The following PRKCI variants were observed in gnomAD, a reference collection of about 807,000 sequenced individuals.
PRKCI encodes protein kinase C iota type.
In PRKCI, 43 loss-of-function variants were observed where a neutral mutation model predicts 84.0. The ratio of observed to expected loss-of-function variants is 0.51; its 90% CI spans 0.40 to 0.66. The LOEUF (loss-of-function observed/expected upper bound fraction) is 0.66. Among genes scored for constraint, PRKCI ranks in the 30% least tolerant of loss-of-function variants. The pLI is 0.00. For synonymous variants in PRKCI, 216 were observed against 234.4 expected (o/e 0.92, Z 0.72); for missense variants, 459 against 745.6 (o/e 0.62, Z 4.48).
Position 170,297,298 on chromosome 3 carries a change from C to G in PRKCI, c.1498-6C>G. 6.2e-7 allele frequency: 1 copy of G among 1,607,572 alleles called. No homozygotes were observed. The highest frequency in any genetic ancestry group is 8.5e-7 in the Non-Finnish European group (1 of 1,174,140). On this transcript the variant is annotated splice_region_variant and splice_polypyrimidine_tract_variant and intron_variant, in intron 15 of 17. Transcript: ENST00000295797. ...CCCAATTCTTGAAACATTTCTTTCA[C>G]CATAGGACCCTAAGGAACGATTGGG...
At chr3:170,234,833 T>C (rs1732904313) in intron 1 of PRKCI, among the ~76,000 whole-genome samples, 1 of 152,158 alleles carries the variant, frequency 6.6e-6, no homozygotes, top group Non-Finnish European at 1.5e-5. Context: ...TGACACAGTC[T>C]CCTCTGTTGC....
intron 3 of PRKCI, among the ~76,000 whole-genome samples, chr3:170,263,064 G>T (rs1733772963): frequency 1.3e-5 from 2 of 151,440 alleles, no homozygotes; most frequent in Non-Finnish European, 2.9e-5. Flanking sequence ...AGCTACACGG[G>T]AGGCTGAGGC....
chr3:170,286,811 C>CT lies in PRKCI; in HGVS notation c.1203+2229dup, dbSNP rs74869773. ...TTTATTTTTATTTTATTTTTACTTT[C>CT]TTTTTTTTTTTTTTAAATAGAGACG... On this transcript the variant is annotated intron_variant, in intron 12 of 17. Transcript: ENST00000295797. 6.1e-3 allele frequency among the ~76,000 whole-genome samples: 854 copies of CT among 139,954 alleles called. 1 individual carries two copies. The highest frequency in any genetic ancestry group is 0.022 in the Middle Eastern group (6 of 274). 91.8% of individuals were successfully genotyped at this position (139,954 alleles called of 152,430 possible).
chr3:170,235,563 T>A (rs565719114), intron 2 of PRKCI, among the ~76,000 whole-genome samples: 2 of 151,180 alleles, frequency 1.3e-5, no homozygotes, highest in South Asian at 4.2e-4. Flanking sequence ...GAAATTAACT[T>A]GACTTTTTTT....
intron 1 of PRKCI, among the ~76,000 whole-genome samples, chr3:170,223,858 T>G (rs1732561471): frequency 6.6e-6 from 1 of 152,190 alleles, no homozygotes; most frequent in Non-Finnish European, 1.5e-5. Context: ...CTACCTCTCT[T>G]GTTTTGATTT....
intron 2 of PRKCI, among the ~76,000 whole-genome samples, chr3:170,249,389 AGAGAGAGAAAG>A (rs1270867446): frequency 1.3e-5 from 2 of 152,070 alleles, no homozygotes; most frequent in Non-Finnish European, 2.9e-5. Flanking sequence ...CGACAGAGAG[AGAGAGAGAAAG>A]GAGAGAGAGA....
chr3:170,230,648 G>C (rs934061765), intron 1 of PRKCI, among the ~76,000 whole-genome samples: 2 of 152,154 alleles, frequency 1.3e-5, no homozygotes, highest in African/African-American at 4.8e-5. Flanking sequence ...AACTTTTAAA[G>C]TGATTATCTT....
At chr3:170,281,099 C>G (rs1049115701) in intron 9 of PRKCI, 67 bp from the exon 10 acceptor site, 4 of 1,364,700 alleles carry the variant, frequency 2.9e-6, no homozygotes, top group Non-Finnish European at 2.1e-6. Context: ...CATTGAATTG[C>G]TCAGAGCAAA....
At chr3:170,280,433 A>T in intron 9 of PRKCI, 30 bp downstream of exon 9, 1 of 1,553,814 alleles carries the variant, frequency 6.4e-7, no homozygotes, top group Non-Finnish European at 8.7e-7. Context: ...TTGCTTCTAA[A>T]CTGCTTGAGA....
chr3:170,227,662 A>T (rs1732667657), intron 1 of PRKCI, among the ~76,000 whole-genome samples: 1 of 152,212 alleles, frequency 6.6e-6, no homozygotes, highest in African/African-American at 2.4e-5. Context: ...GATATAAAGT[A>T]TGAAGTGGGC....
intron 12 of PRKCI, chr3:170,291,530 C>G (rs779416815): frequency 2.5e-4 from 56 of 228,478 alleles, no homozygotes; most frequent in Middle Eastern, 1.8e-3. Flanking sequence ...AACCCTGTCT[C>G]TACTAAAAAT....
At chr3:170,302,905 G>T in intron 17 of PRKCI, 135 bp from the exon 18 acceptor site, 1 of 552,552 alleles carries the variant, frequency 1.8e-6, no homozygotes, top group Non-Finnish European at 2.9e-6. Context: ...GAAAATCTGG[G>T]GGATTAATCT....
intron 12 of PRKCI, chr3:170,291,622 A>T (rs1368016799): frequency 2.6e-6 from 1 of 388,514 alleles, no homozygotes; most frequent in Non-Finnish European, 4.9e-6. Context: ...GCTTGAACCC[A>T]GGAGGTGGAG....
At chr3:170,277,304 C>T (rs1734139971) in intron 8 of PRKCI, among the ~76,000 whole-genome samples, 1 of 151,462 alleles carries the variant, frequency 6.6e-6, no homozygotes, top group African/African-American at 2.4e-5. Context: ...AAAATAAGAC[C>T]TATAAGCAGC....
Position 170,280,422 on chromosome 3 carries a change from A to G in PRKCI, c.882+19A>G. 6.3e-7 allele frequency: 1 copy of G among 1,585,746 alleles called. No homozygotes were observed. The highest frequency in any genetic ancestry group is 8.6e-7 in the Non-Finnish European group (1 of 1,163,676). On this transcript the variant is annotated intron_variant, in intron 9 of 17. Transcript: ENST00000295797. ...TGATGAGGTAAGCACTGCATATTTT[A>G]TTGCTTCTAAACTGCTTGAGAATAC...
intron 1 of PRKCI, among the ~76,000 whole-genome samples, chr3:170,231,352 A>G (rs1732790067): frequency 6.6e-6 from 1 of 152,188 alleles, no homozygotes; most frequent in Non-Finnish European, 1.5e-5. Context: ...TGTTTAAATT[A>G]AACTTTCCAC....
chr3:170,260,467 G>T (rs376591064), intron 3 of PRKCI, among the ~76,000 whole-genome samples: 49 of 152,118 alleles, frequency 3.2e-4, no homozygotes, highest in African/African-American at 1.1e-3. Context: ...CTATTTACAT[G>T]ATTCCTTTAT....
intron 1 of PRKCI, among the ~76,000 whole-genome samples, chr3:170,228,285 A>G (rs1732686976): frequency 6.6e-6 from 1 of 152,144 alleles, no homozygotes; most frequent in Non-Finnish European, 1.5e-5. Flanking sequence ...AGGCACTAAA[A>G]CTAAATTTTA....
At chr3:170,222,802 A>C in intron 1 of PRKCI, 32 bp downstream of exon 1, 1 of 612,658 alleles carries the variant, frequency 1.6e-6, no homozygotes, top group Non-Finnish European at 2.7e-6. Flanking sequence ...GGTGGGCGGG[A>C]GGGGACAGGC....
Sources: gnomAD v4.1 joint callset for allele counts (sites outside exome capture counted in the v4.1 genomes callset) on GRCh38, gnomAD v4.1.1 for gene constraint, MANE v1.5 for transcripts, NCBI Gene and HGNC (gene_info 2026-07-23, HGNC 2026-07-21) for gene names.